The following RCAN1 variants were observed in gnomAD, a reference collection of about 807,000 sequenced individuals.
The protein encoded by RCAN1 is calcipressin-1.
RCAN1 carries 11 observed loss-of-function variants against 22.9 expected under a neutral mutation model. The observed-to-expected ratio is 0.48, with a 90% CI of 0.30 to 0.79. The LOEUF (loss-of-function observed/expected upper bound fraction) is 0.79. Ranked by LOEUF, RCAN1 falls within the 30% of genes least tolerant of loss-of-function variation. RCAN1 has a pLI of 0.06. For synonymous variants in RCAN1, 136 were observed against 142.3 expected, an observed-to-expected ratio of 0.96 and a Z score of 0.32; for missense variants, 291 against 337.8, an observed-to-expected ratio of 0.86 and a Z score of 1.09.
intron 1 of RCAN1, among the ~76,000 whole-genome samples, chr21:34,569,218 A>G (rs1987146365): frequency 6.6e-6 from 1 of 152,196 alleles, no homozygotes; most frequent in Admixed American, 6.5e-5. Context: ...GTCACACTAT[A>G]GGTTGCATAG....
At chr21:34,602,523 AG>A (rs1256052479) in intron 1 of RCAN1, among the ~76,000 whole-genome samples, 3 of 152,166 alleles carry the variant, frequency 2.0e-5, no homozygotes, top group African/African-American at 7.2e-5. Flanking sequence ...ATTTTTCTGA[AG>A]GGTGGTCTGT....
intron 1 of RCAN1, among the ~76,000 whole-genome samples, chr21:34,596,686 G>A (rs1009693453): frequency 2.6e-5 from 4 of 152,318 alleles, no homozygotes; most frequent in Admixed American, 2.6e-4. Flanking sequence ...ACCGGGATGG[G>A]CATTTCCTGA....
At chr21:34,574,781 G>A (rs1987354898) in intron 1 of RCAN1, among the ~76,000 whole-genome samples, 1 of 152,332 alleles carries the variant, frequency 6.6e-6, no homozygotes, top group African/African-American at 2.4e-5. Context: ...GGCTGAGCAC[G>A]TTCTCCTCGG....
chr21:34,566,524 G>T (rs1319886401), intron 1 of RCAN1, among the ~76,000 whole-genome samples: 2 of 151,832 alleles, frequency 1.3e-5, no homozygotes, highest in Non-Finnish European at 2.9e-5. Context: ...TGGAGAGTGG[G>T]ACCAGGCCTC....
At chr21:34,595,820 C>T (rs1988130605) in intron 1 of RCAN1, among the ~76,000 whole-genome samples, 1 of 152,202 alleles carries the variant, frequency 6.6e-6, no homozygotes, top group Non-Finnish European at 1.5e-5. Flanking sequence ...CCTCAAGGAG[C>T]TGGGGACCTG....
At chr21:34,597,274 T>A (rs1988192923) in intron 1 of RCAN1, among the ~76,000 whole-genome samples, 1 of 152,202 alleles carries the variant, frequency 6.6e-6, no homozygotes, top group African/African-American at 2.4e-5. Context: ...ACAATTTAAA[T>A]GAAAATTAAT....
intron 1 of RCAN1, among the ~76,000 whole-genome samples, chr21:34,546,507 G>T (rs1278906592): frequency 6.6e-6 from 1 of 151,940 alleles, no homozygotes; most frequent in African/African-American, 2.4e-5. Flanking sequence ...TTGTTAACAG[G>T]TACACAACTC....
intron 1 of RCAN1, among the ~76,000 whole-genome samples, chr21:34,546,930 T>C (rs1231537342): frequency 6.6e-6 from 1 of 152,182 alleles, no homozygotes. Context: ...CATGAGTGCA[T>C]GACTTATTAA....
chr21:34,531,214 G>A (rs747026584), intron 1 of RCAN1, among the ~76,000 whole-genome samples: 2 of 152,156 alleles, frequency 1.3e-5, no homozygotes, highest in African/African-American at 2.4e-5. Context: ...TTCTATTTCC[G>A]ATTTCATCGA....
At chr21:34,540,962 A>C (rs8128694) in intron 1 of RCAN1, among the ~76,000 whole-genome samples, 2,667 of 152,120 alleles carry the variant, frequency 0.018, 78 homozygotes, top group African/African-American at 0.061. Context: ...TCCAGCCTGG[A>C]ATACAGAGCG....
At chr21:34,587,770 C>T (rs1987848571) in intron 1 of RCAN1, among the ~76,000 whole-genome samples, 1 of 152,172 alleles carries the variant, frequency 6.6e-6, no homozygotes, top group East Asian at 1.9e-4. Flanking sequence ...TATGTGTGAA[C>T]TTGGCTGGGC....
chr21:34,523,348 C>A (rs1163969435), intron 2 of RCAN1, among the ~76,000 whole-genome samples, 189 bp downstream of exon 2: 1 of 152,204 alleles, frequency 6.6e-6, no homozygotes, highest in Non-Finnish European at 1.5e-5. Flanking sequence ...TCTGAGGTTG[C>A]TTTCAAATGC....
At position 34,533,116 on chromosome 21, in the gene RCAN1, A is replaced by C. The variant is rs534971760; in HGVS notation, c.253-9406T>G. Among the ~76,000 whole-genome samples the C allele has an allele frequency of 2.0e-5, 3 of 151,476 alleles. No homozygotes were observed. The South Asian group carries it at 6.3e-4, about 32-fold the overall frequency. ...GCTGGGACTACAGGTGCCCGCCACC[A>C]CGCCCGGCTAATTTTTTGTATTTTT... On this transcript the variant is annotated intron_variant, in intron 1 of 3. Transcript: ENST00000313806.
chr21:34,519,496 T>A (rs145524670), intron 3 of RCAN1, among the ~76,000 whole-genome samples: 2,556 of 150,916 alleles, frequency 0.017, 67 homozygotes, highest in African/African-American at 0.059. Flanking sequence ...CCTCCCAGGT[T>A]CAAGTGATTC....
chr21:34,565,128 T>C (rs989452507), intron 1 of RCAN1, among the ~76,000 whole-genome samples: 2 of 151,964 alleles, frequency 1.3e-5, no homozygotes, highest in African/African-American at 4.8e-5. Flanking sequence ...GCCCAGGAAG[T>C]CAAAGTCAAC....
At chr21:34,531,307 G>C (rs185633208) in intron 1 of RCAN1, among the ~76,000 whole-genome samples, 8 of 152,158 alleles carry the variant, frequency 5.3e-5, no homozygotes, top group Non-Finnish European at 1.2e-4. Context: ...CAGATTCCAC[G>C]CTTGTTCCAA....
chr21:34,564,239 G>T (rs902818520), intron 1 of RCAN1, among the ~76,000 whole-genome samples: 18 of 152,186 alleles, frequency 1.2e-4, no homozygotes, highest in African/African-American at 4.3e-4. Flanking sequence ...CCCCACCCTT[G>T]ACATGTGGGC....
At chr21:34,535,856 A>G (rs543197192) in intron 1 of RCAN1, among the ~76,000 whole-genome samples, 6 of 151,656 alleles carry the variant, frequency 4.0e-5, no homozygotes, top group African/African-American at 7.3e-5. Context: ...AATGGTGATC[A>G]TGATCTGTTA....
intron 1 of RCAN1, among the ~76,000 whole-genome samples, chr21:34,610,529 T>G (rs1274372496): frequency 1.3e-5 from 2 of 152,226 alleles, no homozygotes; most frequent in Admixed American, 1.3e-4. Flanking sequence ...GTAAGTCATC[T>G]AGCTAGAAGT....
Sources: allele counts gnomAD v4.1 joint callset (sites outside exome capture counted in the v4.1 genomes callset), GRCh38; gene constraint gnomAD v4.1.1; transcripts MANE v1.5; gene names NCBI Gene and HGNC (gene_info 2026-07-23, HGNC 2026-07-21).